The following ARHGEF28 variants were observed in gnomAD, a reference collection of about 807,000 sequenced individuals.
The protein encoded by ARHGEF28 is Rho guanine nucleotide exchange factor 28.
Under a neutral mutation model 206.6 loss-of-function variants are expected in ARHGEF28, and 152 were observed. The ratio of observed to expected loss-of-function variants is 0.74; its 90% CI spans 0.64 to 0.84. The LOEUF (loss-of-function observed/expected upper bound fraction) is 0.84. ARHGEF28 is among the 40% of genes least tolerant of loss of function. The pLI, the probability that ARHGEF28 is intolerant of heterozygous loss-of-function variation, is 0.00. For synonymous variants in ARHGEF28, 763 were observed against 776.4 expected, an observed-to-expected ratio of 0.98 and a Z score of 0.29; for missense variants, 2,028 against 2,073.2, an observed-to-expected ratio of 0.98 and a Z score of 0.42.
intron 2 of ARHGEF28, among the ~76,000 whole-genome samples, chr5:73,691,489 C>A (rs1231672938): frequency 2.0e-5 from 3 of 152,094 alleles, no homozygotes; most frequent in East Asian, 1.9e-4. Context: ...TAGGAACTTG[C>A]CAGAAATGCA....
chr5:73,853,107 C>G (rs1052889074), intron 14 of ARHGEF28, among the ~76,000 whole-genome samples: 1 of 152,168 alleles, frequency 6.6e-6, no homozygotes, highest in African/African-American at 2.4e-5. Context: ...GGATTTTTGC[C>G]TAGTAGCCCT....
chr5:73,913,896 A>G (rs1479403066), intron 35 of ARHGEF28, among the ~76,000 whole-genome samples: 1 of 152,180 alleles, frequency 6.6e-6, no homozygotes, highest in Non-Finnish European at 1.5e-5. Context: ...GTTCCAGGTA[A>G]CATCTTAAAG....
chr5:73,868,715 C>T (rs1166480129), intron 20 of ARHGEF28, among the ~76,000 whole-genome samples: 2 of 152,014 alleles, frequency 1.3e-5, no homozygotes, highest in Admixed American at 6.6e-5. Flanking sequence ...GGTATGATCT[C>T]GGCTCATTGC....
chr5:73,671,467 G>A lies in ARHGEF28; in HGVS notation c.-11-13374G>A, dbSNP rs150947089. On this transcript the variant is annotated intron_variant, in intron 1 of 35. Coordinates refer to ENST00000513042, the MANE Select transcript of ARHGEF28 (RefSeq NM_001177693.2). Reference sequence around the variant, plus strand: ...AATGAACTTTTGGGCTTTTGTACCCGCCAGTTCAGTTTTAGCAGCATGACT... The same window carrying A: ...AATGAACTTTTGGGCTTTTGTACCCACCAGTTCAGTTTTAGCAGCATGACT... Among the ~76,000 whole-genome samples the A allele has an allele frequency of 4.1e-3, 621 of 151,882 alleles. 5 individuals carry two copies. Among genetic ancestry groups the A allele is most frequent in the African/African-American group, 0.014 (581 of 41,422 alleles).
chr5:73,783,368 G>A (rs1398774717), intron 7 of ARHGEF28, among the ~76,000 whole-genome samples: 8 of 127,108 alleles, frequency 6.3e-5, no homozygotes, highest in Non-Finnish European at 1.5e-4. Flanking sequence ...GTGTGTGTGT[G>A]TGTGTGTGTG....
At chr5:73,819,376 G>A (rs1756430386) in intron 9 of ARHGEF28, among the ~76,000 whole-genome samples, 1 of 152,188 alleles carries the variant, frequency 6.6e-6, no homozygotes, top group African/African-American at 2.4e-5. Context: ...GCAGTGGGAT[G>A]GGAACCCCAC....
chr5:73,783,345 AGTGT>A (rs57320048), intron 7 of ARHGEF28, among the ~76,000 whole-genome samples: 1,665 of 145,892 alleles, frequency 0.011, 33 homozygotes, highest in African/African-American at 0.038. Flanking sequence ...CCTGGAATAT[AGTGT>A]GTGTGTGTGT....
chr5:73,752,405 T>C (rs1752062776), intron 3 of ARHGEF28, among the ~76,000 whole-genome samples: 1 of 152,168 alleles, frequency 6.6e-6, no homozygotes, highest in Non-Finnish European at 1.5e-5. Context: ...CCTTTTGTTT[T>C]CTCTTGGGTA....
At chr5:73,650,583 G>A (rs759132564) in intron 1 of ARHGEF28, among the ~76,000 whole-genome samples, 1 of 151,840 alleles carries the variant, frequency 6.6e-6, no homozygotes, top group East Asian at 1.9e-4. Context: ...GCGCCCAGCT[G>A]AGAGATGTTT....
At chr5:73,702,337 T>C (rs1748653435) in intron 2 of ARHGEF28, among the ~76,000 whole-genome samples, 1 of 152,226 alleles carries the variant, frequency 6.6e-6, no homozygotes, top group Non-Finnish European at 1.5e-5. Context: ...AATACATTCA[T>C]ATTGTTGTGC....
chr5:73,894,256 C>T (rs2112690565), intron 28 of ARHGEF28, 137 bp from the exon 29 acceptor site: 3 of 796,422 alleles, frequency 3.8e-6, no homozygotes, highest in Non-Finnish European at 5.9e-6. Context: ...AGACCTGCAT[C>T]TGCCCCACTC....
At chr5:73,700,193 T>C (rs1247990521) in intron 2 of ARHGEF28, among the ~76,000 whole-genome samples, 1 of 152,210 alleles carries the variant, frequency 6.6e-6, no homozygotes, top group Admixed American at 6.5e-5. Flanking sequence ...GAAAGATATC[T>C]ATGAAATATG....
intron 35 of ARHGEF28, among the ~76,000 whole-genome samples, chr5:73,938,000 C>T (rs926355520): frequency 1.3e-5 from 2 of 152,248 alleles, no homozygotes; most frequent in African/African-American, 4.8e-5. Context: ...AATTGAGTTC[C>T]CGTCCAGGTG....
intron 22 of ARHGEF28, among the ~76,000 whole-genome samples, chr5:73,878,436 T>G (rs1760682416): frequency 6.6e-6 from 1 of 152,156 alleles, no homozygotes; most frequent in South Asian, 2.1e-4. Context: ...TTAAAGTTAA[T>G]ACTGTTATGT....
At position 73,846,354 on chromosome 5, in the gene ARHGEF28, G is replaced by A. The variant is rs994798495; in HGVS notation, c.1514G>A (p.Ser505Asn). 1.7e-5 allele frequency: 27 copies of A among 1,613,806 alleles called. No homozygotes were observed. Among genetic ancestry groups the A allele is most frequent in the Non-Finnish European group, 2.1e-5 (25 of 1,179,844 alleles). Residue 505 changes from serine to asparagine, a missense_variant, in exon 12 of 36, where the codon AGC (serine) becomes AAC (asparagine). Ser to Asn is a conservative substitution (Grantham distance 46, BLOSUM62 1). This residue lies in a region of ARHGEF28 where 1,002 missense variants were observed against 1,015.3 expected (regional missense o/e 0.99). Transcript: ENST00000513042. ...ATCTGTTACACTCCAGGGTCTCAGA[G>A]CTCCTCAAGAACTGGGATTCCTAGT... Reference protein sequence around the residue: ...SHICYTPGSQSSSRTGIPSGD... With the variant: ...SHICYTPGSQNSSRTGIPSGD...
chr5:73,675,367 A>G (rs944833650), intron 1 of ARHGEF28, among the ~76,000 whole-genome samples: 1 of 152,176 alleles, frequency 6.6e-6, no homozygotes, highest in Non-Finnish European at 1.5e-5. Flanking sequence ...AATGGAGACC[A>G]ACATTTCATA....
chr5:73,867,684 T>C (rs1212051847), intron 18 of ARHGEF28, among the ~76,000 whole-genome samples, 192 bp from the exon 19 acceptor site: 1 of 152,012 alleles, frequency 6.6e-6, no homozygotes, highest in African/African-American at 2.4e-5. Flanking sequence ...AGCATGGGTG[T>C]CAGGAGGGTG....
At chr5:73,871,343 A>G (rs554251752) in intron 21 of ARHGEF28, among the ~76,000 whole-genome samples, 2 of 152,336 alleles carry the variant, frequency 1.3e-5, no homozygotes, top group South Asian at 4.1e-4. Flanking sequence ...GAAATGATAC[A>G]GGTAAGTGCT....
At chr5:73,669,173 T>C (rs551668359) in intron 1 of ARHGEF28, among the ~76,000 whole-genome samples, 2 of 152,350 alleles carry the variant, frequency 1.3e-5, no homozygotes, top group East Asian at 3.9e-4. Context: ...ATAAAGCTTT[T>C]CTGCCACACA....
Sources: gnomAD v4.1 joint callset for allele counts (sites outside exome capture counted in the v4.1 genomes callset) on GRCh38, gnomAD v4.1.1 for gene constraint, gnomAD v4.1.1 regional missense constraint, MANE v1.5 for transcripts, NCBI Gene and HGNC (gene_info 2026-07-23, HGNC 2026-07-21) for gene names.